The following CNTN4 variants were observed in gnomAD, a reference collection of about 807,000 sequenced individuals.
CNTN4 encodes the protein contactin-4.
CNTN4 carries 77 observed loss-of-function variants against 122.5 expected under a neutral mutation model. The observed-to-expected ratio is 0.63, with a 90% CI of 0.52 to 0.76. The LOEUF is 0.76. Ranked by LOEUF, CNTN4 falls within the 30% of genes least tolerant of loss-of-function variation. The pLI, the probability that CNTN4 is intolerant of heterozygous loss-of-function variation, is 0.00. For synonymous variants in CNTN4, 512 were observed against 447.0 expected (o/e 1.15, Z -1.83); for missense variants, 1,256 against 1,259.1 (o/e 1.00, Z 0.04).
intron 13 of CNTN4, among the ~76,000 whole-genome samples, chr3:2,974,499 C>T (rs1693235390): frequency 6.6e-6 from 1 of 152,160 alleles, no homozygotes; most frequent in African/African-American, 2.4e-5. Context: ...TTATGACCCC[C>T]ATTTTAGAGA....
At chr3:2,237,828 G>C (rs939161241) in intron 2 of CNTN4, among the ~76,000 whole-genome samples, 3 of 152,096 alleles carry the variant, frequency 2.0e-5, no homozygotes, top group Non-Finnish European at 2.9e-5. Flanking sequence ...TTCATATGAA[G>C]ATTAAATAAT....
chr3:2,338,004 C>T (rs2044024859), intron 2 of CNTN4, among the ~76,000 whole-genome samples: 2 of 151,854 alleles, frequency 1.3e-5, no homozygotes, highest in Non-Finnish European at 2.9e-5. Context: ...TGGTAACTGA[C>T]CATATTAAAA....
chr3:2,192,267 A>G (rs2037608748), intron 2 of CNTN4, among the ~76,000 whole-genome samples: 1 of 152,064 alleles, frequency 6.6e-6, no homozygotes, highest in Non-Finnish European at 1.5e-5. Flanking sequence ...GCTGGGTCAA[A>G]TGGTATTTCT....
intron 3 of CNTN4, among the ~76,000 whole-genome samples, chr3:2,431,511 G>A (rs1485007361): frequency 1.3e-5 from 2 of 152,166 alleles, no homozygotes; most frequent in African/African-American, 4.8e-5. Context: ...TGATGCATTA[G>A]ACTGAATTTT....
chr3:3,049,611 A>T (rs1385282308), intron 23 of CNTN4, among the ~76,000 whole-genome samples: 1 of 152,188 alleles, frequency 6.6e-6, no homozygotes, highest in African/African-American at 2.4e-5. Flanking sequence ...AGTACTGCAG[A>T]GAAAAAGAGG....
chr3:2,637,283 T>A (rs561362803), intron 4 of CNTN4, among the ~76,000 whole-genome samples: 95 of 152,224 alleles, frequency 6.2e-4, no homozygotes, highest in Middle Eastern at 3.4e-3. Flanking sequence ...ACCATTTTTT[T>A]AAATAAGCTA....
intron 15 of CNTN4, among the ~76,000 whole-genome samples, chr3:3,028,673 C>T (rs1466830833): frequency 1.3e-5 from 2 of 152,060 alleles, no homozygotes; most frequent in African/African-American, 4.8e-5. Flanking sequence ...TTATTTAAAC[C>T]TGTATTCGAA....
intron 10 of CNTN4, among the ~76,000 whole-genome samples, chr3:2,895,506 A>G (rs180762042): frequency 2.5e-3 from 381 of 152,284 alleles, no homozygotes; most frequent in Middle Eastern, 6.8e-3. Flanking sequence ...GTTGGTTTTT[A>G]TATCTGAACT....
At chr3:2,441,657 T>G (rs1253401514) in intron 3 of CNTN4, among the ~76,000 whole-genome samples, 1 of 151,976 alleles carries the variant, frequency 6.6e-6, no homozygotes, top group Non-Finnish European at 1.5e-5. Context: ...AGAGAGAGAG[T>G]GTTACTTAGC....
intron 3 of CNTN4, among the ~76,000 whole-genome samples, chr3:2,430,000 G>T (rs1242184735): frequency 6.6e-6 from 1 of 152,108 alleles, no homozygotes; most frequent in South Asian, 2.1e-4. Context: ...GGGAATTCCC[G>T]GACCCCTTGC....
chr3:2,176,520 A>G (rs1305507898), intron 2 of CNTN4, among the ~76,000 whole-genome samples: 1 of 152,136 alleles, frequency 6.6e-6, no homozygotes, highest in East Asian at 1.9e-4. Context: ...GAAAATACAT[A>G]TTTAAATTTA....
At chr3:2,650,680 C>G (rs2083321521) in intron 4 of CNTN4, among the ~76,000 whole-genome samples, 1 of 152,180 alleles carries the variant, frequency 6.6e-6, no homozygotes, top group Admixed American at 6.5e-5. Context: ...AGGGAAGACT[C>G]TCCCCCTTCA....
chr3:2,344,286 T>A (rs1366060701), intron 3 of CNTN4, among the ~76,000 whole-genome samples: 1 of 151,912 alleles, frequency 6.6e-6, no homozygotes, highest in Non-Finnish European at 1.5e-5. Context: ...AAATTTTTTT[T>A]TTTTTTTTAG....
chr3:2,594,520 G>C (rs1226885919), intron 4 of CNTN4, among the ~76,000 whole-genome samples: 2 of 150,094 alleles, frequency 1.3e-5, no homozygotes, highest in Admixed American at 1.3e-4. Flanking sequence ...CCAGGCTCAA[G>C]CAATTCTCCT....
chr3:3,002,801 AC>A (rs1292176867), intron 14 of CNTN4, among the ~76,000 whole-genome samples: 3 of 152,142 alleles, frequency 2.0e-5, no homozygotes, highest in African/African-American at 4.8e-5. Context: ...TAACTCAGGC[AC>A]CCCCAAAAAT....
intron 7 of CNTN4, among the ~76,000 whole-genome samples, chr3:2,820,743 G>C (rs973041978): frequency 3.3e-5 from 5 of 151,584 alleles, no homozygotes; most frequent in Admixed American, 1.3e-4. Context: ...AAATTACAAG[G>C]GTTTTGGGAT....
At chr3:3,045,596 C>G (rs1700566215) in intron 23 of CNTN4, among the ~76,000 whole-genome samples, 1 of 152,228 alleles carries the variant, frequency 6.6e-6, no homozygotes, top group Non-Finnish European at 1.5e-5. Context: ...CACTAACAAA[C>G]AGAAAGGACA....
chr3:2,264,039 A>T (rs946056990), intron 2 of CNTN4, among the ~76,000 whole-genome samples: 3 of 152,152 alleles, frequency 2.0e-5, no homozygotes, highest in African/African-American at 7.2e-5. Flanking sequence ...GAGTAATTCC[A>T]TATCTTGGCT....
intron 4 of CNTN4, among the ~76,000 whole-genome samples, chr3:2,728,247 A>G (rs1158114121): frequency 1.3e-5 from 2 of 152,214 alleles, no homozygotes; most frequent in African/African-American, 4.8e-5. Flanking sequence ...GTTATTGCCC[A>G]TACGTTTTAT....
Sources: gnomAD v4.1 joint callset for allele counts (sites outside exome capture counted in the v4.1 genomes callset) on GRCh38, gnomAD v4.1.1 for gene constraint, MANE v1.5 for transcripts, NCBI Gene and HGNC (gene_info 2026-07-23, HGNC 2026-07-21) for gene names.